Variants in DRP2 observed in about 807,000 individuals in gnomAD.
The protein encoded by DRP2 is dystrophin related protein 2.
DRP2 carries 29 observed loss-of-function variants against 78.2 expected under a neutral mutation model. The observed-to-expected ratio is 0.37, with a 90% CI of 0.28 to 0.51. The LOEUF (loss-of-function observed/expected upper bound fraction) is 0.51. Among genes scored for constraint, DRP2 ranks in the 20% least tolerant of loss-of-function variants. The pLI, the probability that DRP2 is intolerant of heterozygous loss-of-function variation, is 0.94. For synonymous variants in DRP2, 290 were observed against 281.9 expected, an observed-to-expected ratio of 1.03 and a Z score of -0.29; for missense variants, 686 against 770.6, an observed-to-expected ratio of 0.89 and a Z score of 1.30.
intron 23 of DRP2, 144 bp downstream of exon 23, chrX:101,260,313 T>C: frequency 1.1e-6 from 1 of 947,920 alleles, no homozygotes; most frequent in Non-Finnish European, 1.5e-6. Context: ...TACTGATTGA[T>C]TAATTCATAT....
chrX:101,240,792 G>A (rs1324653582), intron 6 of DRP2, among the ~76,000 whole-genome samples: 1 of 112,258 alleles, frequency 8.9e-6, no homozygotes, highest in African/African-American at 3.2e-5. Flanking sequence ...TTCAATGGGA[G>A]GGCTAGTACT....
At position 101,263,937 on chromosome X, in the gene DRP2, C is replaced by G. The variant is rs1280514919; in HGVS notation, c.*3316C>G. 1 of 111,822 alleles carries G rather than the reference C, an allele frequency of 8.9e-6. No homozygotes were observed. Among genetic ancestry groups the G allele is most frequent in the African/African-American group, 3.2e-5 (1 of 30,778 alleles). 9.2% of individuals were successfully genotyped at this position (111,822 alleles called of 1,213,427 possible). ...GAACTCACATTCTCAGTGGCAGAGT[C>G]ATGGTCTGTGGCACCATTTCAAGGC... On this transcript the variant is annotated 3_prime_UTR_variant, in exon 24 of 24. Transcript: ENST00000395209.
intron 2 of DRP2, among the ~76,000 whole-genome samples, chrX:101,229,683 A>G (rs1922237492): frequency 9.0e-6 from 1 of 110,920 alleles, no homozygotes; most frequent in Non-Finnish European, 1.9e-5. Context: ...TTATTTAATT[A>G]TCTGCATCAT....
At position 101,250,327 on chromosome X, in the gene DRP2, T is replaced by C. The variant is rs762421966; in HGVS notation, c.1541-96T>C. On this transcript the variant is annotated intron_variant, in intron 14 of 23. Transcript: ENST00000395209. ...TTTGAAAAGTCATTAGCTCAGTCTG[T>C]GCTCTTTCCCTATTTTCCTTTTCTG... 1.4e-4 allele frequency: 158 copies of C among 1,120,457 alleles called. No individual in the cohort carries two copies. In the South Asian group the frequency reaches 2.8e-3, roughly 20 times the overall value. 92.3% of individuals were successfully genotyped at this position (1,120,457 alleles called of 1,213,427 possible). A position where few individuals can be genotyped will look rare whatever the true frequency, so the allele number is the denominator to read the frequency against.
chrX:101,235,988 T>C lies in DRP2; in HGVS notation c.246T>C (p.Cys82=), dbSNP rs1289216753. The change falls in exon 4 of 24, where the codon TGT becomes TGC. Residue 82 remains cysteine (C), a synonymous_variant. Transcript: ENST00000395209. ...GPLEPPAMNL[C]WNEIKKKSHN... ...TGGAACCACCAGCCATGAATCTGTG[T>C]TGGAATGAAATAAAAAAGAAGTCTC... 19 of 1,211,566 alleles carry C rather than the reference T, an allele frequency of 1.6e-5. No individual in the cohort carries two copies. The highest frequency in any genetic ancestry group is 2.1e-5 in the Non-Finnish European group (19 of 895,418).
intron 1 of DRP2, among the ~76,000 whole-genome samples, chrX:101,224,181 GGTTTTTTTTGTT>G (rs1474887118): frequency 4.8e-4 from 23 of 47,656 alleles, no homozygotes; most frequent in African/African-American, 2.1e-3. Context: ...ATGTTTGCTG[GGTTTTTTTTGTT>G]TTTTTTTTTT....
chrX:101,224,181 G>GTTTT lies in DRP2; in HGVS notation c.-166-423_-166-422insTTTT, dbSNP rs1379202759. 3.6e-3 allele frequency among the ~76,000 whole-genome samples: 172 copies of GTTTT among 47,615 alleles called. 8 individuals are homozygous for GTTTT. Among genetic ancestry groups the GTTTT allele is most frequent in the African/African-American group, 7.2e-3 (59 of 8,179 alleles). 41.3% of individuals were successfully genotyped at this position (47,615 alleles called of 115,157 possible). ...TCCCAAGAATAATAAATGTTTGCTG[G>GTTTT]GTTTTTTTTGTTTTTTTTTTTTTTT... On this transcript the variant is annotated intron_variant, in intron 1 of 23. Transcript: ENST00000395209.
At chrX:101,224,972 CT>C (rs1488239681) in intron 2 of DRP2, among the ~76,000 whole-genome samples, 1 of 111,665 alleles carries the variant, frequency 9.0e-6, no homozygotes, top group Non-Finnish European at 1.9e-5. Context: ...TTCTGGAGGT[CT>C]TTTTGTAACA....
intron 2 of DRP2, among the ~76,000 whole-genome samples, chrX:101,227,567 T>C (rs1244158848): frequency 2.7e-5 from 3 of 111,624 alleles, no homozygotes; most frequent in Non-Finnish European, 3.8e-5. Flanking sequence ...GTACTGAGGA[T>C]CATGAAAGAC....
chrX:101,227,017 G>A (rs909055309), intron 2 of DRP2, among the ~76,000 whole-genome samples: 1 of 111,962 alleles, frequency 8.9e-6, no homozygotes, highest in Non-Finnish European at 1.9e-5. Flanking sequence ...AGATGGCACG[G>A]AGTATCACAT....
At chrX:101,251,349 A>C (rs1418271065) in intron 16 of DRP2, 1 of 214,596 alleles carries the variant, frequency 4.7e-6, no homozygotes, top group Non-Finnish European at 8.3e-6. Context: ...AAGAGCACCT[A>C]TGTACTAAAT....
At chrX:101,222,762 A>G (rs1921939425) in intron 1 of DRP2, among the ~76,000 whole-genome samples, 1 of 112,129 alleles carries the variant, frequency 8.9e-6, no homozygotes, top group Non-Finnish European at 1.9e-5. Flanking sequence ...CAGGTTATTC[A>G]CTGCCCAGCT....
intron 1 of DRP2, among the ~76,000 whole-genome samples, chrX:101,224,182 G>GTTTTTTT (rs1214156680): frequency 3.4e-4 from 15 of 44,228 alleles, no homozygotes; most frequent in South Asian, 1.2e-3. Flanking sequence ...TGTTTGCTGG[G>GTTTTTTT]TTTTTTTTGT....
intron 2 of DRP2, among the ~76,000 whole-genome samples, chrX:101,226,683 T>C (rs191401277): frequency 9.0e-6 from 1 of 111,415 alleles, no homozygotes; most frequent in African/African-American, 3.3e-5. Flanking sequence ...GGAAGGCTTA[T>C]TGCCACCCAA....
chrX:101,249,105 C>A (rs1294428773), intron 14 of DRP2, among the ~76,000 whole-genome samples: 1 of 112,109 alleles, frequency 8.9e-6, no homozygotes, highest in African/African-American at 3.2e-5. Context: ...ATCTTGTGTT[C>A]AGCATTTTGA....
At chrX:101,256,957 C>T (rs1319357160) in intron 21 of DRP2, among the ~76,000 whole-genome samples, 1 of 108,306 alleles carries the variant, frequency 9.2e-6, no homozygotes, top group African/African-American at 3.4e-5. Flanking sequence ...CATGTTCCTG[C>T]CCTCAGAGAC....
In DRP2 at chrX:101,261,653, C is replaced by T. The variant is rs1361692729; in HGVS notation, c.*1032C>T. The T allele has an allele frequency of 8.9e-6, 1 of 112,223 alleles. No individual in the cohort carries two copies. The highest frequency in any genetic ancestry group is 3.2e-5 in the African/African-American group (1 of 30,879). 9.2% of individuals were successfully genotyped at this position (112,223 alleles called of 1,213,427 possible). Reference sequence around the variant, plus strand: ...TCCCCAGCTAATCATAAGGCATTTGCAACTGGCTACCGTGTGTAGTGGCCC... The same window carrying T: ...TCCCCAGCTAATCATAAGGCATTTGTAACTGGCTACCGTGTGTAGTGGCCC... On this transcript the variant is annotated 3_prime_UTR_variant, in exon 24 of 24. Transcript: ENST00000395209.
At chrX:101,229,416 C>T (rs1922225229) in intron 2 of DRP2, among the ~76,000 whole-genome samples, 1 of 111,665 alleles carries the variant, frequency 9.0e-6, no homozygotes, top group South Asian at 3.8e-4. Context: ...TAGACCACAA[C>T]CTCTTGTGCC....
rs1923260838 is a variant in DRP2, at chrX:101,254,380, C to T, written c.1978-45C>T. 5.8e-6 allele frequency: 7 copies of T among 1,205,177 alleles called. No individual in the cohort carries two copies. The African/African-American group carries it at 7.0e-5, about 12-fold the overall frequency. ...GAGCAGCCACACCTGCCCAGTATAT[C>T]TGGAAGCCATTAGGGTAAGTTCCTC... On this transcript the variant is annotated intron_variant, in intron 17 of 23. Coordinates refer to ENST00000395209, the MANE Select transcript of DRP2 (RefSeq NM_001939.3).
Sources: gnomAD v4.1 joint callset for allele counts (sites outside exome capture counted in the v4.1 genomes callset) on GRCh38, gnomAD v4.1.1 for gene constraint, MANE v1.5 for transcripts, NCBI Gene and HGNC (gene_info 2026-07-23, HGNC 2026-07-21) for gene names.